ABCC2: variants seen among roughly 807,000 people sequenced by gnomAD.
ABCC2 encodes ATP binding cassette subfamily C member 2, also known as ATP-binding cassette sub-family C member 2.
In ABCC2, 157 loss-of-function variants were observed where a neutral mutation model predicts 173.4. The ratio of observed to expected loss-of-function variants is 0.91; its 90% CI spans 0.80 to 1.03. The LOEUF is 1.03. ABCC2 is among the 50% of genes least tolerant of loss of function. The probability of loss-of-function intolerance (pLI) is 0.00; values close to 1 mark genes in which losing one functional copy is unlikely to be tolerated. For synonymous variants in ABCC2, 657 were observed against 693.5 expected, an observed-to-expected ratio of 0.95 and a Z score of 0.83; for missense variants, 1,822 against 1,852.3, an observed-to-expected ratio of 0.98 and a Z score of 0.30.
At chr10:99,785,133 A>T (rs1449648257) in intron 2 of ABCC2, among the ~76,000 whole-genome samples, 1 of 152,218 alleles carries the variant, frequency 6.6e-6, no homozygotes, top group Non-Finnish European at 1.5e-5. Flanking sequence ...TTCAGTTGGC[A>T]TCTACCTCGT....
rs570644664 is a variant in ABCC2 at position 99,805,564 on chromosome 10, A to G, written c.1530+117A>G. ...CCTGCTTCTGGGCCGGTTGTGTCAC[A>G]TGACTTTTGTTTCATGTCCTCCTGT... is the stretch of plus-strand genomic sequence containing the variant. On this transcript the variant is annotated intron_variant, in intron 11 of 31. Coordinates refer to ENST00000647814, the MANE Select transcript of ABCC2 (RefSeq NM_000392.5). 1.8e-4 allele frequency: 195 copies of G among 1,085,038 alleles called. 1 individual carries two copies. The African/African-American group carries it at 2.8e-3, about 16-fold the overall frequency. The allele number at this position is 1,085,038 out of a possible 1,614,324, so 67.2% of individuals were successfully genotyped here.
intron 16 of ABCC2, among the ~76,000 whole-genome samples, chr10:99,815,923 GTTCTTCCTCAAACA>G (rs1564686962): frequency 1.3e-5 from 2 of 150,864 alleles, no homozygotes; most frequent in African/African-American, 4.9e-5. Context: ...TCATAACTGG[GTTCTTCCTCAAACA>G]CAGGCCTTTG....
chr10:99,784,918 G>A (rs2037679983), intron 2 of ABCC2, 137 bp downstream of exon 2: 1 of 1,106,774 alleles, frequency 9.0e-7, no homozygotes, highest in Non-Finnish European at 1.3e-6. Context: ...CCAGGCTCAA[G>A]GTTTCCCTCA....
At position 99,784,647 on chromosome 10, in the gene ABCC2, C is replaced by T; in HGVS notation, c.73C>T (p.Leu25Phe). The change falls in exon 2 of 32, where the codon CTT (leucine) becomes TTT (phenylalanine). Residue 25 changes from leucine to phenylalanine, a missense_variant. Leu to Phe is a conservative substitution (Grantham distance 22, BLOSUM62 0). Transcript: ENST00000647814. ...FLDSPEADLPLCFEQTVLVWI... is the reference protein window; with the variant it reads ...FLDSPEADLPFCFEQTVLVWI... Reference sequence around the variant, plus strand: ...GGACAGTCCGGAGGCAGACCTGCCACTTTGTTTTGAGCAAACTGTTCTGGT... The same window carrying T: ...GGACAGTCCGGAGGCAGACCTGCCATTTTGTTTTGAGCAAACTGTTCTGGT... The T allele has an allele frequency of 6.2e-7, 1 of 1,614,222 alleles. No homozygotes were observed. The highest frequency in any genetic ancestry group is 8.5e-7 in the Non-Finnish European group (1 of 1,180,036).
chr10:99,833,776 A>T (rs7901067), intron 23 of ABCC2, among the ~76,000 whole-genome samples: 4,869 of 152,324 alleles, frequency 0.032, 257 homozygotes, highest in African/African-American at 0.11. Flanking sequence ...TGGTACTCAC[A>T]TATTACCAAT....
At chr10:99,786,880 G>A (rs1180276995) in intron 2 of ABCC2, among the ~76,000 whole-genome samples, 1 of 152,046 alleles carries the variant, frequency 6.6e-6, no homozygotes, top group Non-Finnish European at 1.5e-5. Context: ...GCGGACGCCT[G>A]TAATCCCAGC....
At chr10:99,849,381 G>A (rs542964665) in intron 30 of ABCC2, among the ~76,000 whole-genome samples, 20 of 152,292 alleles carry the variant, frequency 1.3e-4, no homozygotes, top group Admixed American at 8.5e-4. Context: ...GGTACATTTG[G>A]GATGCTATGG....
rs113763070 is a variant in ABCC2, at chr10:99,798,017, G to A, written c.867+686G>A. On this transcript the variant is annotated intron_variant, in intron 7 of 31. Coordinates refer to ENST00000647814, the MANE Select transcript of ABCC2 (RefSeq NM_000392.5). ...GGCAAGAAGATCCAGGACAGGGTGC[G>A]CATGGGGTGAGATGGGCTCAAGGAA... The A allele has an allele frequency of 6.4e-3, 997 of 155,472 alleles. 13 individuals are homozygous for A. Among genetic ancestry groups the A allele is most frequent in the Middle Eastern group, 0.017 (5 of 294 alleles). 9.6% of individuals were successfully genotyped at this position (155,472 alleles called of 1,614,324 possible).
chr10:99,824,160 C>T (rs2038587364), intron 19 of ABCC2, among the ~76,000 whole-genome samples: 1 of 152,118 alleles, frequency 6.6e-6, no homozygotes, highest in Non-Finnish European at 1.5e-5. Flanking sequence ...GTCTGAGTCT[C>T]CTCTTAAGAT....
At chr10:99,839,163 ACGGGGCGGC>A (rs2038886492) in intron 25 of ABCC2, among the ~76,000 whole-genome samples, 1 of 93,052 alleles carries the variant, frequency 1.1e-5, no homozygotes, top group African/African-American at 4.1e-5. Context: ...TCCCTCCCGG[ACGGGGCGGC>A]TGGCCGGGCG....
chr10:99,814,195 G>A (rs1229908349), intron 16 of ABCC2, among the ~76,000 whole-genome samples: 1 of 27,696 alleles, frequency 3.6e-5, no homozygotes, highest in Non-Finnish European at 7.6e-5. Flanking sequence ...ATACACACAT[G>A]TGTATATATA....
intron 6 of ABCC2, among the ~76,000 whole-genome samples, chr10:99,796,323 G>A (rs1315118422): frequency 6.6e-6 from 1 of 152,094 alleles, no homozygotes; most frequent in Non-Finnish European, 1.5e-5. Flanking sequence ...TGGCCAACAT[G>A]GTGAAACCCT....
chr10:99,829,770 G>C (rs1185908094), intron 19 of ABCC2, among the ~76,000 whole-genome samples: 3 of 152,088 alleles, frequency 2.0e-5, no homozygotes, highest in East Asian at 3.9e-4. Flanking sequence ...GGGACCACAG[G>C]CATGCACCAT....
chr10:99,821,405 A>G (rs1207555951), intron 19 of ABCC2, among the ~76,000 whole-genome samples: 13 of 152,004 alleles, frequency 8.6e-5, no homozygotes, highest in Middle Eastern at 3.4e-3. Flanking sequence ...GGGCTGGGGG[A>G]CGGTCAGGTC....
chr10:99,797,041 G>A, intron 6 of ABCC2, 56 bp from the exon 7 acceptor site: 4 of 1,480,136 alleles, frequency 2.7e-6, no homozygotes, highest in Middle Eastern at 1.8e-4. Flanking sequence ...AGAAGTGGTG[G>A]AGATAGCCTC....
chr10:99,783,123 A>G (rs1188775311), intron 1 of ABCC2, among the ~76,000 whole-genome samples: 1 of 152,224 alleles, frequency 6.6e-6, no homozygotes, highest in African/African-American at 2.4e-5. Flanking sequence ...TAGTCGCAAA[A>G]TTGCCTTCTC....
intron 19 of ABCC2, among the ~76,000 whole-genome samples, chr10:99,819,921 T>G (rs2038503196): frequency 6.6e-6 from 1 of 152,208 alleles, no homozygotes; most frequent in African/African-American, 2.4e-5. Context: ...AGCAGTCCTG[T>G]GCATTGGTCT....
chr10:99,795,227 A>T (rs544595408), intron 6 of ABCC2, among the ~76,000 whole-genome samples: 25 of 152,360 alleles, frequency 1.6e-4, no homozygotes, highest in Middle Eastern at 3.4e-3. Context: ...AAGACATTGG[A>T]TTCTAAAGAA....
chr10:99,851,120 A>G (rs2039083195), intron 31 of ABCC2, among the ~76,000 whole-genome samples: 1 of 152,246 alleles, frequency 6.6e-6, no homozygotes. Flanking sequence ...CCTGAGCCTC[A>G]GCTGCTGCTC....
Sources: allele counts gnomAD v4.1 joint callset (sites outside exome capture counted in the v4.1 genomes callset), GRCh38; gene constraint gnomAD v4.1.1; transcripts MANE v1.5; gene names NCBI Gene and HGNC (gene_info 2026-07-23, HGNC 2026-07-21).